TACR3: variants seen among roughly 807,000 people sequenced by gnomAD.
TACR3 encodes the protein neuromedin-K receptor.
In TACR3, 34 loss-of-function variants were observed where a neutral mutation model predicts 35.0. That is an observed-to-expected ratio of 0.97 (90% CI 0.74 to 1.30). TACR3 has a LOEUF of 1.30. TACR3 is among the 50% of genes most tolerant of loss of function. The pLI, the probability that TACR3 is intolerant of heterozygous loss-of-function variation, is 0.00. For missense variants in TACR3, 558 were observed against 591.7 expected, an observed-to-expected ratio of 0.94 and a Z score of 0.59; for synonymous variants, 233 against 221.1, an observed-to-expected ratio of 1.05 and a Z score of -0.48.
chr4:103,606,411 T>G (rs1724364208), intron 3 of TACR3, among the ~76,000 whole-genome samples: 2 of 152,222 alleles, frequency 1.3e-5, no homozygotes, highest in African/African-American at 2.4e-5. Flanking sequence ...TAAATTACCT[T>G]GGGCAGTATG....
At chr4:103,614,929 C>G in intron 3 of TACR3, among the ~76,000 whole-genome samples, 1 of 87,426 alleles carries the variant, frequency 1.1e-5, no homozygotes. Context: ...GAGTCTTGCT[C>G]TGTCACCCAG....
chr4:103,599,894 A>C (rs1266279942), intron 3 of TACR3, among the ~76,000 whole-genome samples: 2 of 152,152 alleles, frequency 1.3e-5, no homozygotes, highest in African/African-American at 4.8e-5. Context: ...AATGTTCATC[A>C]AGGATATTGG....
chr4:103,710,342 G>A (rs1487798293), intron 1 of TACR3, among the ~76,000 whole-genome samples: 2 of 152,118 alleles, frequency 1.3e-5, no homozygotes, highest in Non-Finnish European at 2.9e-5. Context: ...TAGAACTCAG[G>A]ATTAAGAAAC....
intron 3 of TACR3, chr4:103,593,256 A>C (rs1723932000): frequency 6.6e-6 from 1 of 152,146 alleles, no homozygotes; most frequent in Admixed American, 6.6e-5. Context: ...TGTAACTAAG[A>C]TCTTTCTTGT....
chr4:103,672,527 T>C (rs1318755508), intron 1 of TACR3, among the ~76,000 whole-genome samples: 3 of 152,186 alleles, frequency 2.0e-5, no homozygotes, highest in African/African-American at 4.8e-5. Context: ...AAAGGAATCT[T>C]ATTTTCTGAA....
chr4:103,707,686 G>T (rs970240464), intron 1 of TACR3, among the ~76,000 whole-genome samples: 16 of 152,220 alleles, frequency 1.1e-4, no homozygotes, highest in African/African-American at 3.9e-4. Context: ...CCGAGCGAGA[G>T]CCGAGGCAGG....
chr4:103,600,825 C>T (rs1405289130), intron 3 of TACR3, among the ~76,000 whole-genome samples: 2 of 152,118 alleles, frequency 1.3e-5, no homozygotes, highest in South Asian at 2.1e-4. Flanking sequence ...GTCTGAGAGA[C>T]AGTTTGTTAT....
At chr4:103,637,567 T>C (rs1007783759) in intron 3 of TACR3, among the ~76,000 whole-genome samples, 16 of 152,054 alleles carry the variant, frequency 1.1e-4, no homozygotes, top group Admixed American at 6.6e-4. Flanking sequence ...CTATTCAACA[T>C]AGTGTTGGAA....
At chr4:103,686,399 C>G (rs1313897810) in intron 1 of TACR3, among the ~76,000 whole-genome samples, 1 of 152,080 alleles carries the variant, frequency 6.6e-6, no homozygotes, top group Non-Finnish European at 1.5e-5. Context: ...AGAGATAAAC[C>G]TTTAGAAACC....
intron 3 of TACR3, among the ~76,000 whole-genome samples, chr4:103,639,994 T>G (rs1322768255): frequency 6.6e-6 from 1 of 152,056 alleles, no homozygotes; most frequent in Non-Finnish European, 1.5e-5. Flanking sequence ...ATTTGTTTCA[T>G]GAATAGGGCA....
At chr4:103,661,971 G>A (rs1725843935) in intron 1 of TACR3, among the ~76,000 whole-genome samples, 1 of 152,128 alleles carries the variant, frequency 6.6e-6, no homozygotes, top group Non-Finnish European at 1.5e-5. Context: ...TTGTGAAGCA[G>A]ACAAATACTA....
intron 3 of TACR3, among the ~76,000 whole-genome samples, chr4:103,612,708 C>T (rs114642405): frequency 0.017 from 2,544 of 152,158 alleles, 71 homozygotes; most frequent in African/African-American, 0.059. Flanking sequence ...TGGGATCTCG[C>T]CATGTTGGCC....
intron 1 of TACR3, among the ~76,000 whole-genome samples, chr4:103,682,568 G>A (rs113978119): frequency 0.046 from 7,024 of 152,096 alleles, 188 homozygotes; most frequent in Non-Finnish European, 0.055. Context: ...TCCCTCCCTC[G>A]ACACATAGGG....
intron 3 of TACR3, among the ~76,000 whole-genome samples, chr4:103,609,435 A>G (rs2110296425): frequency 6.6e-6 from 1 of 152,274 alleles, no homozygotes; most frequent in Non-Finnish European, 1.5e-5. Context: ...AAAAAGGAGC[A>G]ACATAAAAGT....
intron 3 of TACR3, among the ~76,000 whole-genome samples, chr4:103,607,416 T>C (rs1007888260): frequency 1.3e-5 from 2 of 152,016 alleles, no homozygotes; most frequent in Non-Finnish European, 2.9e-5. Flanking sequence ...TACCAGTGTT[T>C]AGTGTTATTA....
At chr4:103,687,227 C>A (rs372875796) in intron 1 of TACR3, among the ~76,000 whole-genome samples, 18 of 152,188 alleles carry the variant, frequency 1.2e-4, no homozygotes, top group African/African-American at 3.4e-4. Context: ...CAATAAATTA[C>A]GTATTGATGG....
intron 1 of TACR3, among the ~76,000 whole-genome samples, chr4:103,693,517 A>G (rs890064050): frequency 6.6e-6 from 1 of 152,038 alleles, no homozygotes; most frequent in Non-Finnish European, 1.5e-5. Flanking sequence ...ATGATTGCCT[A>G]TTTTTAGGTA....
chr4:103,703,820 G>T (rs1172387629), intron 1 of TACR3, among the ~76,000 whole-genome samples: 1 of 151,994 alleles, frequency 6.6e-6, no homozygotes, highest in East Asian at 1.9e-4. Context: ...GTAATACATG[G>T]CCGGCCGTGG....
chr4:103,655,359 G>C lies in TACR3; in HGVS notation c.888+835C>G, dbSNP rs532680023. ...GTACTGTGTAAATAAGTCATAAATG[G>C]AACAAACAATAATGATTGGCATAAT... On this transcript the variant is annotated intron_variant, in intron 3 of 4. Transcript: ENST00000304883. 2.9e-3 allele frequency among the ~76,000 whole-genome samples: 436 copies of C among 152,066 alleles called. 3 individuals are homozygous for C. The highest frequency in any genetic ancestry group is 1.8e-3 in the Non-Finnish European group (120 of 67,976).
Sources: gnomAD v4.1 joint callset for allele counts (sites outside exome capture counted in the v4.1 genomes callset) on GRCh38, gnomAD v4.1.1 for gene constraint, MANE v1.5 for transcripts, NCBI Gene and HGNC (gene_info 2026-07-23, HGNC 2026-07-21) for gene names.